Variants in TMEM132D observed in about 807,000 individuals in gnomAD.
The protein encoded by TMEM132D is mature OL transmembrane protein.
Under a neutral mutation model 62.3 loss-of-function variants are expected in TMEM132D, and 21 were observed. That is an observed-to-expected ratio of 0.34 (90% CI 0.24 to 0.49). TMEM132D has a LOEUF of 0.49. TMEM132D is among the 20% of genes least tolerant of loss of function. TMEM132D has a pLI of 0.99. For synonymous variants in TMEM132D, 621 were observed against 575.6 expected, an observed-to-expected ratio of 1.08 and a Z score of -1.13; for missense variants, 1,346 against 1,402.8, an observed-to-expected ratio of 0.96 and a Z score of 0.65.
At chr12:129,866,291 T>C (rs1308408385) in intron 1 of TMEM132D, among the ~76,000 whole-genome samples, 3 of 152,070 alleles carry the variant, frequency 2.0e-5, no homozygotes, top group Non-Finnish European at 4.4e-5. Flanking sequence ...ATGTCCTTTG[T>C]AGGGTCATGG....
chr12:129,290,113 C>G (rs1881409348), intron 4 of TMEM132D, among the ~76,000 whole-genome samples: 1 of 152,076 alleles, frequency 6.6e-6, no homozygotes, highest in Admixed American at 6.5e-5. Flanking sequence ...AGTAAAGGAC[C>G]TCTGAGAACT....
At chr12:129,624,828 G>C (rs1879168797) in intron 2 of TMEM132D, among the ~76,000 whole-genome samples, 1 of 152,190 alleles carries the variant, frequency 6.6e-6, no homozygotes, top group Non-Finnish European at 1.5e-5. Context: ...GAGTGAACCA[G>C]ACAGCAAGGC....
intron 2 of TMEM132D, among the ~76,000 whole-genome samples, chr12:129,692,713 T>G (rs926384238): frequency 9.2e-5 from 14 of 152,176 alleles, no homozygotes; most frequent in African/African-American, 3.4e-4. Context: ...TGGATGGACT[T>G]GGAAGCCATT....
intron 3 of TMEM132D, among the ~76,000 whole-genome samples, chr12:129,528,228 A>G (rs1876109821): frequency 1.3e-5 from 2 of 152,222 alleles, no homozygotes. Context: ...ATTATCCTTA[A>G]GAAAAACACA....
At chr12:129,685,068 T>G (rs527547801) in intron 2 of TMEM132D, among the ~76,000 whole-genome samples, 1 of 152,132 alleles carries the variant, frequency 6.6e-6, no homozygotes, top group Non-Finnish European at 1.5e-5. Flanking sequence ...GGAAACAGCA[T>G]AAAAGTTCAG....
chr12:129,854,377 G>A (rs1873647107), intron 1 of TMEM132D, among the ~76,000 whole-genome samples: 2 of 152,184 alleles, frequency 1.3e-5, no homozygotes, highest in African/African-American at 4.8e-5. Context: ...GGAAGTCAGA[G>A]GAGCAGGATT....
intron 3 of TMEM132D, among the ~76,000 whole-genome samples, chr12:129,360,713 A>T (rs1293239091): frequency 2.0e-5 from 3 of 152,156 alleles, no homozygotes; most frequent in Non-Finnish European, 4.4e-5. Flanking sequence ...GGAAGGGTGA[A>T]GATCAGGAAA....
At chr12:129,163,122 G>C (rs1877446695) in intron 5 of TMEM132D, among the ~76,000 whole-genome samples, 1 of 152,206 alleles carries the variant, frequency 6.6e-6, no homozygotes, top group African/African-American at 2.4e-5. Flanking sequence ...GAAGGGGTGG[G>C]CTTTGTACAG....
At chr12:129,336,007 G>T (rs1260865398) in intron 4 of TMEM132D, among the ~76,000 whole-genome samples, 1 of 152,178 alleles carries the variant, frequency 6.6e-6, no homozygotes, top group Non-Finnish European at 1.5e-5. Context: ...TCATGAGGAT[G>T]GAATCCATGC....
chr12:129,127,257 T>C (rs759275688), intron 5 of TMEM132D, among the ~76,000 whole-genome samples: 4 of 152,188 alleles, frequency 2.6e-5, no homozygotes, highest in Non-Finnish European at 5.9e-5. Flanking sequence ...TTGTGATCTT[T>C]TAGAGAAAGA....
At chr12:129,340,182 C>T (rs1384405771) in intron 3 of TMEM132D, among the ~76,000 whole-genome samples, 1 of 152,136 alleles carries the variant, frequency 6.6e-6, no homozygotes, top group Non-Finnish European at 1.5e-5. Context: ...TTGTTCTATA[C>T]ATTTAGATTT....
intron 3 of TMEM132D, among the ~76,000 whole-genome samples, chr12:129,436,860 T>G (rs1165249472): frequency 6.6e-6 from 1 of 152,176 alleles, no homozygotes; most frequent in Non-Finnish European, 1.5e-5. Context: ...TTGGGTCAGG[T>G]GAGGAAAAAG....
chr12:129,419,063 C>T (rs1036650705), intron 3 of TMEM132D, among the ~76,000 whole-genome samples: 1 of 152,210 alleles, frequency 6.6e-6, no homozygotes, highest in Admixed American at 6.5e-5. Context: ...TTCTAGTTTT[C>T]AGAACAGTGA....
chr12:129,095,469 C>T (rs929732163), intron 5 of TMEM132D, among the ~76,000 whole-genome samples: 2 of 151,596 alleles, frequency 1.3e-5, no homozygotes, highest in Non-Finnish European at 2.9e-5. Context: ...GTTCTCCTGC[C>T]TCAGCCTCCC....
intron 1 of TMEM132D, among the ~76,000 whole-genome samples, chr12:129,754,260 C>CA (rs1444132513): frequency 6.6e-6 from 1 of 152,124 alleles, no homozygotes; most frequent in Non-Finnish European, 1.5e-5. Context: ...AGGTCCAAAG[C>CA]AGAAAGAATA....
intron 2 of TMEM132D, among the ~76,000 whole-genome samples, chr12:129,595,760 G>C (rs1008304222): frequency 6.6e-6 from 1 of 152,228 alleles, no homozygotes; most frequent in Non-Finnish European, 1.5e-5. Context: ...GGAGCTGACC[G>C]ACTGCAGATA....
At chr12:129,265,139 A>G (rs10847822) in intron 4 of TMEM132D, among the ~76,000 whole-genome samples, 28,151 of 152,054 alleles carry the variant, frequency 0.19, 3,282 homozygotes, top group East Asian at 0.41. Flanking sequence ...CTGAGCTGCC[A>G]GGTGGGTCAC....
At chr12:129,788,987 A>G (rs751462424) in intron 1 of TMEM132D, among the ~76,000 whole-genome samples, 1 of 152,156 alleles carries the variant, frequency 6.6e-6, no homozygotes, top group Non-Finnish European at 1.5e-5. Context: ...GCATGTGCTG[A>G]GCAACACGGA....
intron 2 of TMEM132D, among the ~76,000 whole-genome samples, chr12:129,696,990 T>C (rs1195397212): frequency 2.0e-5 from 3 of 152,146 alleles, no homozygotes; most frequent in Non-Finnish European, 1.5e-5. Flanking sequence ...GAAACACACA[T>C]GCATATATAC....
Sources: gnomAD v4.1 joint callset for allele counts (sites outside exome capture counted in the v4.1 genomes callset) on GRCh38, gnomAD v4.1.1 for gene constraint, MANE v1.5 for transcripts, NCBI Gene and HGNC (gene_info 2026-07-23, HGNC 2026-07-21) for gene names.